PTPN14: variants seen among roughly 807,000 people sequenced by gnomAD.
The protein encoded by PTPN14 is tyrosine-protein phosphatase non-receptor type 14.
PTPN14 carries 53 observed loss-of-function variants against 126.8 expected under a neutral mutation model. The ratio of observed to expected loss-of-function variants is 0.42; its 90% CI spans 0.34 to 0.53. The LOEUF (loss-of-function observed/expected upper bound fraction) is 0.53, where lower values mean the gene tolerates loss of function less well. PTPN14 is among the 20% of genes least tolerant of loss of function. The pLI is 0.08. For synonymous variants in PTPN14, 630 were observed against 599.3 expected (o/e 1.05, Z -0.75); for missense variants, 1,257 against 1,552.9 (o/e 0.81, Z 3.20).
At chr1:214,366,648 C>A (rs1221544588) in intron 17 of PTPN14, among the ~76,000 whole-genome samples, 1 of 152,116 alleles carries the variant, frequency 6.6e-6, no homozygotes, top group African/African-American at 2.4e-5. Context: ...ATTTCTAATG[C>A]CCTGCACAGA....
intron 2 of PTPN14, among the ~76,000 whole-genome samples, chr1:214,463,366 A>G (rs1238593790): frequency 1.3e-5 from 2 of 152,354 alleles, no homozygotes; most frequent in East Asian, 1.9e-4. Flanking sequence ...AACATTTCAC[A>G]TATTTATTCT....
At chr1:214,390,958 T>C (rs761776047) in intron 11 of PTPN14, 30 bp downstream of exon 11, 13 of 1,442,052 alleles carry the variant, frequency 9.0e-6, no homozygotes, top group East Asian at 2.3e-5. Flanking sequence ...AACAGTCAGA[T>C]CACTTGATCA....
chr1:214,359,142 T>C (rs1172340986), intron 18 of PTPN14, among the ~76,000 whole-genome samples: 1 of 152,158 alleles, frequency 6.6e-6, no homozygotes, highest in East Asian at 1.9e-4. Context: ...GTGTAAACCT[T>C]TAAAATGTCA....
intron 1 of PTPN14, among the ~76,000 whole-genome samples, chr1:214,549,140 T>C (rs1040424198): frequency 1.6e-4 from 24 of 152,204 alleles, no homozygotes; most frequent in South Asian, 4.1e-4. Flanking sequence ...TCTGATGTAC[T>C]GGCCTGAGGT....
chr1:214,470,822 G>A (rs1347975165), intron 1 of PTPN14, among the ~76,000 whole-genome samples: 5 of 135,064 alleles, frequency 3.7e-5, no homozygotes, highest in African/African-American at 1.4e-4. Context: ...GTGCCCAACC[G>A]GGCCAACATG....
In PTPN14 at chr1:214,368,194, G is replaced by A. The variant is rs545083216; in HGVS notation, c.3271+1263C>T. Among the ~76,000 whole-genome samples the A allele has an allele frequency of 7.9e-3, 293 of 37,090 alleles. 1 individual carries two copies. The highest frequency in any genetic ancestry group is 0.012 in the Non-Finnish European group (221 of 18,548). The allele number at this position is 37,090 out of a possible 152,430, so 24.3% of individuals were successfully genotyped here. ...GAAAACAATTTTTTTAATGTTATTC[G>A]TTTTTATTTATTTATTTATTTATTT... On this transcript the variant is annotated intron_variant, in intron 17 of 18. Coordinates refer to ENST00000366956, the MANE Select transcript of PTPN14 (RefSeq NM_005401.5).
chr1:214,548,802 AAT>A (rs1656035168), intron 1 of PTPN14, among the ~76,000 whole-genome samples: 2 of 152,140 alleles, frequency 1.3e-5, no homozygotes, highest in Non-Finnish European at 2.9e-5. Flanking sequence ...TTATTCTAAA[AAT>A]TCTGATTTTT....
At chr1:214,406,895 G>A (rs1367577085) in intron 5 of PTPN14, among the ~76,000 whole-genome samples, 1 of 152,130 alleles carries the variant, frequency 6.6e-6, no homozygotes, top group East Asian at 1.9e-4. Flanking sequence ...ACGTAATAAA[G>A]GCCTTTAATG....
intron 3 of PTPN14, among the ~76,000 whole-genome samples, chr1:214,443,553 G>T (rs1337046188): frequency 6.6e-6 from 1 of 151,868 alleles, no homozygotes; most frequent in Non-Finnish European, 1.5e-5. Flanking sequence ...AGAATAAATC[G>T]CAAGATAACA....
At chr1:214,363,776 G>A (rs748267810) in intron 18 of PTPN14, among the ~76,000 whole-genome samples, 27 of 152,118 alleles carry the variant, frequency 1.8e-4, no homozygotes, top group Non-Finnish European at 3.2e-4. Context: ...AACTTCTAAT[G>A]TCCCACGTAG....
intron 2 of PTPN14, among the ~76,000 whole-genome samples, chr1:214,455,023 G>T (rs375650162): frequency 1.3e-5 from 2 of 152,036 alleles, no homozygotes; most frequent in African/African-American, 4.8e-5. Context: ...TACTCCTCCC[G>T]TTCTTCCTCT....
At chr1:214,539,973 A>G (rs962618407) in intron 1 of PTPN14, among the ~76,000 whole-genome samples, 1 of 152,166 alleles carries the variant, frequency 6.6e-6, no homozygotes, top group Non-Finnish European at 1.5e-5. Context: ...TCTAAAGAAT[A>G]TAATTAAGAC....
At chr1:214,470,619 C>G (rs1049512358) in intron 1 of PTPN14, among the ~76,000 whole-genome samples, 1 of 151,868 alleles carries the variant, frequency 6.6e-6, no homozygotes. Context: ...CCCATCGCTA[C>G]TAAAAATACA....
At chr1:214,403,621 A>T (rs1006728229) in intron 5 of PTPN14, among the ~76,000 whole-genome samples, 2 of 152,198 alleles carry the variant, frequency 1.3e-5, no homozygotes, top group Non-Finnish European at 2.9e-5. Flanking sequence ...TCTTTTCCCA[A>T]CTACCCTTCC....
In PTPN14 at chr1:214,447,646, C is replaced by T. The variant is rs142004631; in HGVS notation, c.344+4159G>A. Reference sequence around the variant, plus strand: ...TCACTCTGACACCCCTTGGCACATTCCAGTTTTAGGGCCCCTTGGAGGCAA... The same window carrying T: ...TCACTCTGACACCCCTTGGCACATTTCAGTTTTAGGGCCCCTTGGAGGCAA... On this transcript the variant is annotated intron_variant, in intron 3 of 18. Coordinates refer to ENST00000366956, the MANE Select transcript of PTPN14 (RefSeq NM_005401.5). 8.7e-4 allele frequency among the ~76,000 whole-genome samples: 132 copies of T among 152,196 alleles called. No homozygotes were observed. In the East Asian group the frequency reaches 0.022, roughly 25 times the overall value.
chr1:214,487,094 A>T (rs1661131428), intron 1 of PTPN14, among the ~76,000 whole-genome samples: 1 of 152,120 alleles, frequency 6.6e-6, no homozygotes, highest in Admixed American at 6.6e-5. Flanking sequence ...CATTGCATCC[A>T]CTTCTTTTAA....
chr1:214,521,650 G>A (rs544645366), intron 1 of PTPN14, among the ~76,000 whole-genome samples: 11 of 152,178 alleles, frequency 7.2e-5, no homozygotes, highest in African/African-American at 2.4e-4. Context: ...GGGAGGCGGA[G>A]GTTGCAGTGA....
chr1:214,478,042 A>G (rs1269232763), intron 1 of PTPN14, among the ~76,000 whole-genome samples: 2 of 152,218 alleles, frequency 1.3e-5, no homozygotes, highest in Admixed American at 6.5e-5. Context: ...AGAAACCAAC[A>G]AAGTTTTATA....
At position 214,353,850 on chromosome 1, in the gene PTPN14, T is replaced by C. The variant is rs987888002; in HGVS notation, c.*4072A>G. ...GTTCATTAGCACTGCTCTGGAGAAA[T>C]GACATCTGGTGTTGGGACCCACAGT... On this transcript the variant is annotated 3_prime_UTR_variant, in exon 19 of 19. Transcript: ENST00000366956. The C allele has an allele frequency of 6.6e-6, 1 of 152,206 alleles. No homozygotes were observed. The highest frequency in any genetic ancestry group is 2.4e-5 in the African/African-American group (1 of 41,434). The allele number at this position is 152,206 out of a possible 1,614,324, so 9.4% of individuals were successfully genotyped here.
Sources: gnomAD v4.1 joint callset for allele counts (sites outside exome capture counted in the v4.1 genomes callset) on GRCh38, gnomAD v4.1.1 for gene constraint, MANE v1.5 for transcripts, NCBI Gene and HGNC (gene_info 2026-07-23, HGNC 2026-07-21) for gene names.